The following RTL4 variants were observed in gnomAD, a reference collection of about 807,000 sequenced individuals.
RTL4 encodes retrotransposon Gag-like protein 4.
A neutral mutation model predicts 5.3 loss-of-function variants in RTL4; 4 were observed. That is an observed-to-expected ratio of 0.75 (90% CI 0.37 to 1.72). The LOEUF (loss-of-function observed/expected upper bound fraction) is 1.72, where lower values mean the gene tolerates loss of function less well. Among genes scored for constraint, RTL4 ranks in the 40% most tolerant of loss-of-function variants. RTL4 has a pLI of 0.04. For synonymous variants in RTL4, 98 were observed against 87.3 expected (o/e 1.12, Z -0.68); for missense variants, 260 against 227.1 (o/e 1.14, Z -0.93).
the RTL4 span, among the ~76,000 whole-genome samples, chrX:112,099,290 A>G: frequency 8.9e-6 from 1 of 112,038 alleles, no homozygotes; most frequent in Non-Finnish European, 1.9e-5. Context: ...GCTACGAAAG[A>G]TAGTCACTAC....
chrX:112,162,395 A>T, the RTL4 span, among the ~76,000 whole-genome samples: 6 of 111,679 alleles, frequency 5.4e-5, no homozygotes. Context: ...TGGTAAGGAC[A>T]GTGTAAAACC....
At chrX:112,274,544 A>T in the RTL4 span, among the ~76,000 whole-genome samples, 3 of 112,011 alleles carry the variant, frequency 2.7e-5, no homozygotes, top group Non-Finnish European at 3.8e-5. Context: ...CCAAACAAGT[A>T]CGAAAGCAAG....
At chrX:112,188,525 T>G in the RTL4 span, among the ~76,000 whole-genome samples, 12 of 111,787 alleles carry the variant, frequency 1.1e-4, no homozygotes, top group African/African-American at 2.9e-4. Flanking sequence ...AAGCTGACTT[T>G]GGAGTTGCCC....
the RTL4 span, among the ~76,000 whole-genome samples, chrX:112,282,245 T>C: frequency 8.9e-6 from 1 of 112,304 alleles, no homozygotes; most frequent in Non-Finnish European, 1.9e-5. Context: ...GAGACTGACC[T>C]TTTTCCATTG....
At chrX:112,149,215 A>C in the RTL4 span, among the ~76,000 whole-genome samples, 7 of 111,729 alleles carry the variant, frequency 6.3e-5, no homozygotes, top group Non-Finnish European at 1.1e-4. Context: ...TTTTCGAGGC[A>C]CTAGGGATAG....
chrX:112,265,841 C>T, the RTL4 span, among the ~76,000 whole-genome samples: 11 of 108,635 alleles, frequency 1.0e-4, no homozygotes, highest in Admixed American at 7.0e-4. Context: ...CTTGGCCTCA[C>T]GTAACCACCT....
the RTL4 span, among the ~76,000 whole-genome samples, chrX:112,380,304 A>C: frequency 8.2e-5 from 9 of 109,309 alleles, no homozygotes; most frequent in Non-Finnish European, 1.5e-4. Context: ...CCACCACCAC[A>C]CCCAGCTAAT....
the RTL4 span, among the ~76,000 whole-genome samples, chrX:112,190,044 A>G: frequency 8.9e-6 from 1 of 112,439 alleles, no homozygotes; most frequent in East Asian, 2.8e-4. Context: ...GCTTAAACAC[A>G]AAGTCAGTAA....
At chrX:112,456,612 C>G (rs1199807737) in exon 1 of RTL4, 1 of 272,368 alleles carries the variant, frequency 3.7e-6, no homozygotes, top group Admixed American at 6.6e-5. Flanking sequence ...GGGACCTGGC[C>G]AAATAAATCT....
chrX:112,301,198 G>T, the RTL4 span, among the ~76,000 whole-genome samples: 1 of 111,798 alleles, frequency 8.9e-6, no homozygotes, highest in Non-Finnish European at 1.9e-5. Context: ...TACCAAAGTG[G>T]TACGGAGTGA....
At chrX:112,291,082 G>A in the RTL4 span, among the ~76,000 whole-genome samples, 278 of 111,462 alleles carry the variant, frequency 2.5e-3, no homozygotes, top group Non-Finnish European at 4.1e-3. Flanking sequence ...GCATAAGGGA[G>A]AGGGAGGCAG....
the RTL4 span, among the ~76,000 whole-genome samples, chrX:112,416,380 C>G: frequency 8.9e-6 from 1 of 112,074 alleles, no homozygotes; most frequent in Non-Finnish European, 1.9e-5. Flanking sequence ...TCATTTCAAC[C>G]CATGCATCAT....
chrX:112,271,643 A>G, the RTL4 span, among the ~76,000 whole-genome samples: 5 of 112,357 alleles, frequency 4.5e-5, no homozygotes, highest in African/African-American at 1.6e-4. Context: ...TATTTTTAAA[A>G]TTTGGCTTTA....
chrX:112,117,707 GGCACGTGTAC>G, the RTL4 span, among the ~76,000 whole-genome samples: 2 of 111,414 alleles, frequency 1.8e-5, no homozygotes, highest in Non-Finnish European at 3.8e-5. Context: ...TGGGGAAATG[GGCACGTGTAC>G]AATTAGTGGG....
the RTL4 span, among the ~76,000 whole-genome samples, chrX:112,168,239 C>T: frequency 8.9e-6 from 1 of 111,811 alleles, no homozygotes; most frequent in Non-Finnish European, 1.9e-5. Flanking sequence ...CTCAAACCCT[C>T]TGAAAGGCAC....
At chrX:112,369,591 A>T in the RTL4 span, among the ~76,000 whole-genome samples, 1 of 112,015 alleles carries the variant, frequency 8.9e-6, no homozygotes, top group Non-Finnish European at 1.9e-5. Context: ...TTGGGGAAAA[A>T]GGAACCCCTG....
the RTL4 span, among the ~76,000 whole-genome samples, chrX:112,328,372 A>C: frequency 8.1e-5 from 9 of 111,333 alleles, no homozygotes; most frequent in Non-Finnish European, 1.3e-4. Context: ...TCTCTGATAA[A>C]ACAGACTTTA....
the RTL4 span, among the ~76,000 whole-genome samples, chrX:112,119,010 AT>A: frequency 0.013 from 1,194 of 91,896 alleles, 6 homozygotes; most frequent in African/African-American, 0.029. Context: ...CACCCAGCTA[AT>A]TTTTTTTTTT....
the RTL4 span, among the ~76,000 whole-genome samples, chrX:112,226,436 T>TA: frequency 4.1e-4 from 46 of 112,020 alleles, no homozygotes; most frequent in African/African-American, 1.5e-3. Context: ...GAATGATCCT[T>TA]AAGCAGATTT....
Sources: allele counts gnomAD v4.1 joint callset (sites outside exome capture counted in the v4.1 genomes callset), GRCh38; gene constraint gnomAD v4.1.1; transcripts MANE v1.5; gene names NCBI Gene and HGNC (gene_info 2026-07-23, HGNC 2026-07-21).